HMCN2: variants seen among roughly 807,000 people sequenced by gnomAD.
HMCN2 encodes hemicentin-2.
Under a neutral mutation model 377.5 loss-of-function variants are expected in HMCN2, and 325 were observed. The ratio of observed to expected loss-of-function variants is 0.86; its 90% CI spans 0.79 to 0.94. The LOEUF is 0.94. Ranked by LOEUF, HMCN2 falls within the 40% of genes least tolerant of loss-of-function variation. HMCN2 has a pLI of 0.00. For synonymous variants in HMCN2, 2,007 were observed against 2,046.8 expected, an observed-to-expected ratio of 0.98 and a Z score of 0.53; for missense variants, 4,543 against 4,725.3, an observed-to-expected ratio of 0.96 and a Z score of 1.13.
At chr9:130,272,669 C>A (rs1027000191) in intron 1 of HMCN2, among the ~76,000 whole-genome samples, 65 of 152,212 alleles carry the variant, frequency 4.3e-4, no homozygotes, top group African/African-American at 1.5e-3. Context: ...CCACTTCACC[C>A]CCAGAGTAGC....
In HMCN2 at chr9:130,388,552, T is replaced by C. The variant is rs1313947730; in HGVS notation, c.9523+12T>C. The C allele has an allele frequency of 1.0e-6, 1 of 988,158 alleles. No individual in the cohort carries two copies. The highest frequency in any genetic ancestry group is 1.2e-6 in the Non-Finnish European group (1 of 830,136). 61.2% of individuals were successfully genotyped at this position (988,158 alleles called of 1,614,324 possible). ...CAGGATGCCTGTGGGTGAGCACATC[T>C]GTCCTTGTCTGTTTCGCGTAAAGCA... On this transcript the variant is annotated intron_variant, in intron 62 of 97. Coordinates refer to ENST00000683500, the MANE Select transcript of HMCN2 (RefSeq NM_001291815.2).
chr9:130,333,634 T>C (rs1838550501), intron 22 of HMCN2, among the ~76,000 whole-genome samples: 1 of 152,208 alleles, frequency 6.6e-6, no homozygotes, highest in Non-Finnish European at 1.5e-5. Context: ...AGCAGCCTGT[T>C]CCTCGGAGAC....
In HMCN2 at chr9:130,430,646, G is replaced by A. The variant is rs1208728044; in HGVS notation, c.14647+42G>A. 25 of 1,497,730 alleles carry A rather than the reference G, an allele frequency of 1.7e-5. No individual in the cohort carries two copies. The East Asian group carries it at 1.7e-4, about 10-fold the overall frequency. 92.8% of individuals were successfully genotyped at this position (1,497,730 alleles called of 1,614,324 possible). On this transcript the variant is annotated intron_variant, in intron 95 of 97. Coordinates refer to ENST00000683500, the MANE Select transcript of HMCN2 (RefSeq NM_001291815.2). ...ACCATCCACGGGACACTGCCGTTAT[G>A]GGCTCTTGGGCCCCTAGGGTGGGTG...
chr9:130,407,799 C>A, intron 83 of HMCN2, 94 bp downstream of exon 83: 1 of 964,160 alleles, frequency 1.0e-6, no homozygotes, highest in Non-Finnish European at 1.3e-6. Flanking sequence ...CTCCTGTCCT[C>A]TGAACTAGTG....
At chr9:130,276,267 T>C (rs1554923096) in intron 1 of HMCN2, among the ~76,000 whole-genome samples, 2 of 152,136 alleles carry the variant, frequency 1.3e-5, no homozygotes, top group Non-Finnish European at 2.9e-5. Context: ...CCTTGGCACC[T>C]GCAGTCCAGC....
intron 76 of HMCN2, 28 bp from the exon 77 acceptor site, chr9:130,400,755 G>A: frequency 1.6e-6 from 2 of 1,267,616 alleles, no homozygotes; most frequent in Non-Finnish European, 2.0e-6. Flanking sequence ...CCCGCCGGCA[G>A]GGCCTCAAGC....
Position 130,374,643 on chromosome 9 carries a change from C to T in HMCN2, c.7580C>T (p.Ala2527Val). 1 of 985,838 alleles carries T rather than the reference C, an allele frequency of 1.0e-6. No homozygotes were observed. Among genetic ancestry groups the T allele is most frequent in the Non-Finnish European group, 1.2e-6 (1 of 829,950 alleles). The allele number at this position is 985,838 out of a possible 1,614,324, so 61.1% of individuals were successfully genotyped here. A position where few individuals can be genotyped will look rare whatever the true frequency, so the allele number is the denominator to read the frequency against. ...AGTGCTGGCCACTACTCCTGCATTG[C>T]AGCCAACGCTGTTGGGGAGAAGACC... ...LSSAGHYSCI[A>V]ANAVGEKTKH... is the part of the protein sequence containing the mutation. The change falls in exon 49 of 98, where the codon GCA becomes GTA. Residue 2527 changes from alanine to valine, a missense_variant. By Grantham distance (64) the Ala-to-Val change is moderately conservative. Coordinates refer to ENST00000683500, the MANE Select transcript of HMCN2 (RefSeq NM_001291815.2).
intron 77 of HMCN2, among the ~76,000 whole-genome samples, chr9:130,402,573 A>G (rs1318487036): frequency 6.6e-6 from 1 of 152,182 alleles, no homozygotes; most frequent in African/African-American, 2.4e-5. Context: ...AGGTCCAGAG[A>G]GTGGAAGGAA....
chr9:130,432,274 G>T (rs1844802698), intron 96 of HMCN2, among the ~76,000 whole-genome samples, 155 bp from the exon 97 acceptor site: 1 of 152,210 alleles, frequency 6.6e-6, no homozygotes, highest in South Asian at 2.1e-4. Context: ...CGGGCCTCCA[G>T]CTGGGTGGTC....
rs1835358816 is a variant in HMCN2, at chr9:130,285,280, A to T, written c.453A>T (p.Glu151Asp). The change falls in exon 3 of 98, where the codon GAA becomes GAT. Residue 151 changes from glutamate to aspartate, a missense_variant. Glu to Asp is a conservative substitution (Grantham distance 45, BLOSUM62 2). Transcript: ENST00000683500. ...GCGCCAAAGACTATCACAAGAAGGA[A>T]GAGCTGCTGCGGCTCCTGCAGCTCA... is the stretch of plus-strand genomic sequence containing the variant. ...DARAKDYHKKEELLRLLQLKQ... is the reference protein window; with the variant it reads ...DARAKDYHKKDELLRLLQLKQ... 2.1e-6 allele frequency: 1 copy of T among 471,074 alleles called. No homozygotes were observed. The allele number at this position is 471,074 out of a possible 1,614,324, so 29.2% of individuals were successfully genotyped here.
rs753222278 is a variant in HMCN2, at chr9:130,404,953, G to A, written c.12233G>A (p.Ser4078Asn). 48 of 1,289,342 alleles carry A rather than the reference G, an allele frequency of 3.7e-5. No individual in the cohort carries two copies. Among genetic ancestry groups the A allele is most frequent in the Non-Finnish European group, 4.7e-5 (46 of 988,716 alleles). 79.9% of individuals were successfully genotyped at this position (1,289,342 alleles called of 1,614,324 possible). The change falls in exon 81 of 98, where the codon AGT (serine) becomes AAT (asparagine). Residue 4078 changes from serine (S) to asparagine (N), a missense_variant. This residue lies in a region of HMCN2 where 1,073 missense variants were observed against 1,319.5 expected (regional missense o/e 0.81). Coordinates refer to ENST00000683500, the MANE Select transcript of HMCN2 (RefSeq NM_001291815.2). The stretch of plus-strand genomic sequence containing the variant: ...TTCTTGCCTTGCAAGGCGAGGGGCA[G>A]TCCTGAGCCCAACATCACCTGGGAC... ...HAFLPCKARG[S>N]PEPNITWDKD... is the part of the protein sequence containing the mutation.
At chr9:130,292,430 G>A (rs574488080) in intron 4 of HMCN2, among the ~76,000 whole-genome samples, 26 of 152,224 alleles carry the variant, frequency 1.7e-4, no homozygotes, top group African/African-American at 5.8e-4. Context: ...TTTATGAGTG[G>A]GCATTCTTCC....
intron 21 of HMCN2, among the ~76,000 whole-genome samples, chr9:130,326,358 G>A (rs994808063): frequency 0.95 from 144,587 of 152,098 alleles, 69,227 homozygotes; most frequent in East Asian, 1. Flanking sequence ...CCTGGCACCC[G>A]TCACAGCTAT....
intron 85 of HMCN2, among the ~76,000 whole-genome samples, chr9:130,416,967 C>T (rs1034603524): frequency 3.3e-5 from 5 of 151,866 alleles, no homozygotes; most frequent in African/African-American, 1.2e-4. Context: ...GGCTGGAGTG[C>T]AGTGGCGCAA....
At chr9:130,352,809 C>A in intron 30 of HMCN2, 118 bp from the exon 31 acceptor site, 1 of 823,284 alleles carries the variant, frequency 1.2e-6, no homozygotes, top group Non-Finnish European at 1.6e-6. Flanking sequence ...CTTCCCTGCC[C>A]CCGCAATGGA....
chr9:130,285,145 T>A lies in HMCN2; in HGVS notation c.331-13T>A, dbSNP rs1588171603. On this transcript the variant is annotated splice_polypyrimidine_tract_variant and intron_variant, in intron 2 of 97. Coordinates refer to ENST00000683500, the MANE Select transcript of HMCN2 (RefSeq NM_001291815.2). ...AGGCAGGTGGCAGCTGCTGACATGC[T>A]TCTGCCCTCCAGGGAGGTGGTGACT... is the stretch of plus-strand genomic sequence containing the variant. 2.1e-6 allele frequency: 1 copy of A among 470,780 alleles called. No individual in the cohort carries two copies. Among genetic ancestry groups the A allele is most frequent in the African/African-American group, 2.0e-5 (1 of 50,074 alleles). 29.2% of individuals were successfully genotyped at this position (470,780 alleles called of 1,614,324 possible). A position where few individuals can be genotyped will look rare whatever the true frequency, so the allele number is the denominator to read the frequency against.
In HMCN2 at chr9:130,266,075, G is replaced by A. The variant is rs1246030169; in HGVS notation, c.197G>A (p.Arg66His). 6 of 470,374 alleles carry A rather than the reference G, an allele frequency of 1.3e-5. No homozygotes were observed. The highest frequency in any genetic ancestry group is 1.0e-4 in the African/African-American group (5 of 50,066). The allele number at this position is 470,374 out of a possible 1,614,324, so 29.1% of individuals were successfully genotyped here. A position where few individuals can be genotyped will look rare whatever the true frequency, so the allele number is the denominator to read the frequency against. Residue 66 changes from arginine (R) to histidine (H), a missense_variant, in exon 1 of 98, where the codon CGC (arginine) becomes CAC (histidine). Arg to His is a conservative substitution (Grantham distance 29). Transcript: ENST00000683500. ...VIDGASRILE[R>H]SLSRRSQAIA... Reference sequence around the variant, plus strand: ...GATGGCGCCTCGCGCATTCTGGAACGCAGTCTGAGCCGCCGCAGCCAGGCC... The same window carrying A: ...GATGGCGCCTCGCGCATTCTGGAACACAGTCTGAGCCGCCGCAGCCAGGCC...
In HMCN2 at chr9:130,360,763, T is replaced by A. The variant is rs1214958322; in HGVS notation, c.5950+159T>A. 1.3e-5 allele frequency among the ~76,000 whole-genome samples: 2 copies of A among 150,466 alleles called. No homozygotes were observed. Among genetic ancestry groups the A allele is most frequent in the Non-Finnish European group, 3.0e-5 (2 of 67,580 alleles). ...CATCATCCATCCAACCATCCATCCA[T>A]CCATCCATCCATCCATCCATCCATC... On this transcript the variant is annotated intron_variant, in intron 38 of 97. Transcript: ENST00000683500. The surrounding 1 kb of genome is among the most constrained non-coding windows in gnomAD (Gnocchi z 4.7).
chr9:130,419,102 T>C, intron 86 of HMCN2, 61 bp downstream of exon 86: 6 of 1,427,782 alleles, frequency 4.2e-6, no homozygotes, highest in Admixed American at 2.7e-5. Flanking sequence ...CCGATGGGGA[T>C]TGTGTGGTGC....
Sources: gnomAD v4.1 joint callset for allele counts (sites outside exome capture counted in the v4.1 genomes callset) on GRCh38, gnomAD v4.1.1 for gene constraint, gnomAD v4.1.1 regional missense constraint, Gnocchi (gnomAD v3.1) non-coding constraint, MANE v1.5 for transcripts, NCBI Gene and HGNC (gene_info 2026-07-23, HGNC 2026-07-21) for gene names.